KIAA1328: variants seen among roughly 807,000 people sequenced by gnomAD.
KIAA1328 encodes the protein KIAA1328.
Under a neutral mutation model 68.1 loss-of-function variants are expected in KIAA1328, and 52 were observed. The observed-to-expected ratio is 0.76, with a 90% CI of 0.61 to 0.96. The LOEUF (loss-of-function observed/expected upper bound fraction) is 0.96. Ranked by LOEUF, KIAA1328 falls within the 40% of genes least tolerant of loss-of-function variation. The pLI is 0.00. For missense variants in KIAA1328, 641 were observed against 677.6 expected, an observed-to-expected ratio of 0.95 and a Z score of 0.60; for synonymous variants, 232 against 239.4, an observed-to-expected ratio of 0.97 and a Z score of 0.28.
chr18:37,197,092 T>C (rs1185406525), intron 9 of KIAA1328, among the ~76,000 whole-genome samples: 1 of 152,126 alleles, frequency 6.6e-6, no homozygotes, highest in African/African-American at 2.4e-5. Context: ...TAATTGTTTG[T>C]AATGGTCTTT....
intron 6 of KIAA1328, among the ~76,000 whole-genome samples, chr18:37,001,471 C>A (rs2053583516): frequency 6.6e-6 from 1 of 152,082 alleles, no homozygotes; most frequent in Admixed American, 6.6e-5. Flanking sequence ...AAATTCTTCC[C>A]AAGCTATTCC....
chr18:37,198,631 A>AT (rs2060048414), intron 9 of KIAA1328, among the ~76,000 whole-genome samples: 1 of 152,204 alleles, frequency 6.6e-6, no homozygotes, highest in African/African-American at 2.4e-5. Flanking sequence ...GCATTACTAA[A>AT]AGGTTCCTAA....
At chr18:36,852,989 G>T (rs747028014) in intron 4 of KIAA1328, among the ~76,000 whole-genome samples, 15 of 152,122 alleles carry the variant, frequency 9.9e-5, no homozygotes, top group Non-Finnish European at 1.8e-4. Context: ...GTGCTGTTTG[G>T]TGTATATTTT....
At chr18:36,911,557 A>G (rs1007540087) in intron 5 of KIAA1328, among the ~76,000 whole-genome samples, 1 of 152,160 alleles carries the variant, frequency 6.6e-6, no homozygotes. Context: ...CTGCTTTTTT[A>G]AACTACTTTA....
intron 5 of KIAA1328, among the ~76,000 whole-genome samples, chr18:36,950,989 C>T (rs2051136896): frequency 6.6e-6 from 1 of 152,224 alleles, no homozygotes; most frequent in Non-Finnish European, 1.5e-5. Context: ...AATGGCTTCT[C>T]AACTCAGTCT....
At position 36,844,227 on chromosome 18, in the gene KIAA1328, TAA is replaced by T. The variant is rs1175920605; in HGVS notation, c.259_260del (p.Lys87GlufsTer10). 6.3e-7 allele frequency: 1 copy of T among 1,594,934 alleles called. No individual in the cohort carries two copies. Among genetic ancestry groups the T allele is most frequent in the African/African-American group, 1.4e-5 (1 of 73,778 alleles). Reference sequence around the variant, plus strand: ...TTTAAGAATTCCTGCAGGGGAGAAATAAAGAGTGCATCATTGAAGGATTTATG... The same window carrying T: ...TTTAAGAATTCCTGCAGGGGAGAAATAGAGTGCATCATTGAAGGATTTATG... On this transcript the variant is annotated frameshift_variant, in exon 4 of 10. Transcript: ENST00000280020. LOFTEE classifies it high-confidence loss of function.
chr18:37,119,927 G>A (rs924004842), intron 7 of KIAA1328, among the ~76,000 whole-genome samples: 1 of 152,040 alleles, frequency 6.6e-6, no homozygotes, highest in Non-Finnish European at 1.5e-5. Context: ...TAGAGAAATG[G>A]TTTATTGTAG....
At chr18:36,914,090 G>A (rs2151082573) in intron 5 of KIAA1328, among the ~76,000 whole-genome samples, 1 of 152,220 alleles carries the variant, frequency 6.6e-6, no homozygotes. Context: ...TATACAAGAA[G>A]GAAGGCTCAT....
chr18:36,874,636 G>A (rs909538839), intron 4 of KIAA1328, among the ~76,000 whole-genome samples: 2 of 152,166 alleles, frequency 1.3e-5, no homozygotes, highest in African/African-American at 4.8e-5. Context: ...TAGGTTGCCT[G>A]TTCACTCTGA....
intron 5 of KIAA1328, chr18:36,923,882 T>C (rs989325033): frequency 1.3e-5 from 2 of 152,236 alleles, no homozygotes; most frequent in African/African-American, 2.4e-5. Context: ...AGAGCCATCA[T>C]AATGTGTTTA....
intron 5 of KIAA1328, among the ~76,000 whole-genome samples, chr18:36,946,923 A>C (rs2050926017): frequency 6.6e-6 from 1 of 152,164 alleles, no homozygotes; most frequent in South Asian, 2.1e-4. Flanking sequence ...TGGAAGATGA[A>C]ATACTGTATA....
intron 5 of KIAA1328, among the ~76,000 whole-genome samples, chr18:36,908,452 G>A (rs1294261845): frequency 6.6e-6 from 1 of 152,016 alleles, no homozygotes; most frequent in Admixed American, 6.6e-5. Context: ...CAATCCTCTC[G>A]CCTCAGCCTC....
chr18:36,954,858 C>T (rs2051340593), intron 5 of KIAA1328, among the ~76,000 whole-genome samples: 1 of 151,514 alleles, frequency 6.6e-6, no homozygotes, highest in Non-Finnish European at 1.5e-5. Flanking sequence ...CCATGCCTGG[C>T]TAATTTTTTG....
chr18:37,020,619 T>A (rs1434822408), intron 6 of KIAA1328, among the ~76,000 whole-genome samples: 1 of 152,202 alleles, frequency 6.6e-6, no homozygotes, highest in East Asian at 1.9e-4. Context: ...CAGCTACAGA[T>A]AAATGATCAA....
intron 8 of KIAA1328, among the ~76,000 whole-genome samples, chr18:37,163,192 T>C (rs1030340245): frequency 1.3e-5 from 2 of 152,188 alleles, no homozygotes; most frequent in Non-Finnish European, 2.9e-5. Flanking sequence ...GATATTCCCT[T>C]TTATGAGAGC....
chr18:37,136,778 T>C (rs1314523629), intron 7 of KIAA1328, among the ~76,000 whole-genome samples: 1 of 152,224 alleles, frequency 6.6e-6, no homozygotes, highest in Non-Finnish European at 1.5e-5. Context: ...TTGTCTTACA[T>C]TAAAAAGTTA....
chr18:36,913,479 TACACACACACACAC>T (rs10582262), intron 5 of KIAA1328, among the ~76,000 whole-genome samples: 81 of 91,428 alleles, frequency 8.9e-4, no homozygotes, highest in African/African-American at 2.1e-3. Context: ...ATTACAACCT[TACACACACACACAC>T]ACACACACAC....
At chr18:37,020,203 A>G (rs2054294847) in intron 6 of KIAA1328, among the ~76,000 whole-genome samples, 1 of 152,000 alleles carries the variant, frequency 6.6e-6, no homozygotes. Context: ...GACTCACTGC[A>G]ATGTCTGCCT....
At chr18:36,932,113 A>G (rs948219435) in intron 5 of KIAA1328, among the ~76,000 whole-genome samples, 1 of 151,806 alleles carries the variant, frequency 6.6e-6, no homozygotes, top group Non-Finnish European at 1.5e-5. Context: ...GTTTTCATTG[A>G]AAGTGAGCTT....
Sources: allele counts gnomAD v4.1 joint callset (sites outside exome capture counted in the v4.1 genomes callset), GRCh38; gene constraint gnomAD v4.1.1; transcripts MANE v1.5; gene names NCBI Gene and HGNC (gene_info 2026-07-23, HGNC 2026-07-21).